Variants in SAXO5 observed in about 807,000 individuals in gnomAD.
The protein encoded by SAXO5 is testis expressed 45.
At chr19:7,506,135 C>A in the SAXO5 span, 3 of 1,611,472 alleles carry the variant, frequency 1.9e-6, no homozygotes, top group Non-Finnish European at 2.5e-6. Context: ...CCTCCACTTG[C>A]AGCAAAGCTA....
the SAXO5 span, chr19:7,504,093 T>TCTCTCTCTCTCTCC: frequency 4.3e-5 from 65 of 1,498,658 alleles, no homozygotes; most frequent in South Asian, 1.7e-4. Flanking sequence ...TCTCTCTCTC[T>TCTCTCTCTCTCTCC]CCCCCCATCC....
At chr19:7,504,094 CCCCCCA>C in the SAXO5 span, 13 of 1,505,572 alleles carry the variant, frequency 8.6e-6, no homozygotes, top group Admixed American at 1.7e-5. Flanking sequence ...CTCTCTCTCT[CCCCCCA>C]TCCCCCTTGC....
chr19:7,506,537 G>A, the SAXO5 span: 1 of 365,216 alleles, frequency 2.7e-6, no homozygotes, highest in Non-Finnish European at 5.2e-6. Context: ...TCCATTGTCA[G>A]ACTCTGGCTC....
chr19:7,505,600 A>AGTACTGC, the SAXO5 span: 2 of 1,614,116 alleles, frequency 1.2e-6, no homozygotes, highest in Non-Finnish European at 1.7e-6. Context: ...CAGTCTGGAC[A>AGTACTGC]CCTTCATGCA....
chr19:7,507,775 C>A, the SAXO5 span, among the ~76,000 whole-genome samples: 11 of 152,244 alleles, frequency 7.2e-5, no homozygotes, highest in East Asian at 2.1e-3. Context: ...TCTTATCCAG[C>A]TCCTCATTCA....
chr19:7,506,022 A>C, the SAXO5 span: 1 of 1,612,268 alleles, frequency 6.2e-7, no homozygotes, highest in Non-Finnish European at 8.5e-7. Flanking sequence ...TTGCAGAGTC[A>C]TGTGACCCTA....
the SAXO5 span, chr19:7,505,975 G>T: frequency 6.3e-7 from 1 of 1,582,956 alleles, no homozygotes; most frequent in Non-Finnish European, 8.6e-7. Context: ...CGCCACCCCC[G>T]ACCCAGCCAC....
At chr19:7,501,455 A>T in the SAXO5 span, 1 of 1,409,110 alleles carries the variant, frequency 7.1e-7, no homozygotes, top group East Asian at 2.8e-5. Context: ...GTTCTCAAAC[A>T]GGGGCAAGGG....
At chr19:7,504,095 C>CTCTCT in the SAXO5 span, 4 of 724,498 alleles carry the variant, frequency 5.5e-6, no homozygotes, top group Non-Finnish European at 8.5e-6. Context: ...TCTCTCTCTC[C>CTCTCT]CCCCATCCCC....
chr19:7,499,797 C>A, the SAXO5 span: 1 of 151,840 alleles, frequency 6.6e-6, no homozygotes, highest in Non-Finnish European at 1.5e-5. Context: ...CATAGCCAGA[C>A]CCCTGTCTCT....
At chr19:7,504,204 C>A in the SAXO5 span, 1 of 1,614,160 alleles carries the variant, frequency 6.2e-7, no homozygotes, top group Non-Finnish European at 8.5e-7. Context: ...GCCAGGCCCA[C>A]CTGCCTTGAG....
At chr19:7,504,724 G>A in the SAXO5 span, among the ~76,000 whole-genome samples, 1 of 151,858 alleles carries the variant, frequency 6.6e-6, no homozygotes, top group African/African-American at 2.4e-5. Flanking sequence ...AAAAAAAGTG[G>A]GGGACGAGGG....
At chr19:7,501,288 T>C in the SAXO5 span, 33 of 1,573,388 alleles carry the variant, frequency 2.1e-5, no homozygotes, top group Non-Finnish European at 2.7e-5. Context: ...CGACCGCGAC[T>C]CCCTGCCTCC....
chr19:7,505,910 G>A, the SAXO5 span: 4 of 1,490,030 alleles, frequency 2.7e-6, no homozygotes, highest in Admixed American at 2.2e-5. Flanking sequence ...CCTCCCCCCC[G>A]GGCCCGGGGA....
At chr19:7,507,814 T>G in the SAXO5 span, among the ~76,000 whole-genome samples, 5 of 151,930 alleles carry the variant, frequency 3.3e-5, no homozygotes, top group African/African-American at 1.2e-4. Context: ...TTTGCCCACC[T>G]CTCCCCAGAG....
the SAXO5 span, chr19:7,507,116 C>G: frequency 1.2e-6 from 2 of 1,614,058 alleles, no homozygotes. Flanking sequence ...CCTCCGGCCC[C>G]GGTGACTGAA....
chr19:7,508,072 C>T, the SAXO5 span: 4 of 673,128 alleles, frequency 5.9e-6, no homozygotes, highest in East Asian at 1.1e-4. Flanking sequence ...CAGACACTGG[C>T]TCCGCCCCGA....
the SAXO5 span, chr19:7,501,186 G>C: frequency 6.6e-7 from 1 of 1,526,700 alleles, no homozygotes; most frequent in South Asian, 1.2e-5. Context: ...CGCGCACGCC[G>C]GGATCGGCCT....
chr19:7,506,975 C>G, the SAXO5 span: 1 of 1,183,334 alleles, frequency 8.5e-7, no homozygotes, highest in Non-Finnish European at 1.3e-6. Flanking sequence ...GGCTCTTGAA[C>G]CCTTCCCTTG....
Sources: allele counts gnomAD v4.1 joint callset (sites outside exome capture counted in the v4.1 genomes callset), GRCh38; gene constraint gnomAD v4.1.1; transcripts MANE v1.5; gene names NCBI Gene and HGNC (gene_info 2026-07-23, HGNC 2026-07-21).